Variants in CIMIP6 observed in about 807,000 individuals in gnomAD.
CIMIP6 encodes uncharacterized protein C2orf73.
At chr2:54,363,935 G>A in the CIMIP6 span, among the ~76,000 whole-genome samples, 10 of 152,328 alleles carry the variant, frequency 6.6e-5, 1 homozygote, top group East Asian at 1.9e-3. Context: ...GAGGAGAATG[G>A]TCTGGGGTCA....
At chr2:54,384,088 C>T in the CIMIP6 span, among the ~76,000 whole-genome samples, 58 of 152,296 alleles carry the variant, frequency 3.8e-4, 1 homozygote, top group African/African-American at 9.9e-4. Context: ...CAGCACAAAC[C>T]GGACTAAGAC....
the CIMIP6 span, chr2:54,383,610 T>C: frequency 6.6e-6 from 1 of 152,110 alleles, no homozygotes; most frequent in Non-Finnish European, 1.5e-5. Flanking sequence ...TGTAATATAC[T>C]CTCGTTTTTA....
the CIMIP6 span, among the ~76,000 whole-genome samples, chr2:54,372,069 T>C: frequency 3.9e-5 from 6 of 152,240 alleles, no homozygotes; most frequent in Non-Finnish European, 8.8e-5. Flanking sequence ...ATGTTTTAGC[T>C]AGCATTCTCA....
the CIMIP6 span, chr2:54,359,055 A>G: frequency 4.6e-6 from 7 of 1,528,154 alleles, no homozygotes; most frequent in Non-Finnish European, 5.3e-6. Flanking sequence ...AAAACTCCGA[A>G]TGAGCCTCTC....
the CIMIP6 span, among the ~76,000 whole-genome samples, chr2:54,339,367 T>C: frequency 1.3e-5 from 1 of 74,414 alleles, no homozygotes; most frequent in South Asian, 3.1e-4. Flanking sequence ...CATTGGTATA[T>C]AAAGGTTCTG....
At chr2:54,360,289 AG>A in the CIMIP6 span, 1 of 1,612,248 alleles carries the variant, frequency 6.2e-7, no homozygotes, top group Non-Finnish European at 8.5e-7. Context: ...TGAACACTCC[AG>A]GGTCACGTTC....
the CIMIP6 span, among the ~76,000 whole-genome samples, chr2:54,365,044 T>G: frequency 6.6e-6 from 1 of 152,104 alleles, no homozygotes; most frequent in Non-Finnish European, 1.5e-5. Context: ...GGAATGGGAA[T>G]GGAAGCCCCA....
At chr2:54,374,224 A>G in the CIMIP6 span, among the ~76,000 whole-genome samples, 2 of 151,922 alleles carry the variant, frequency 1.3e-5, no homozygotes, top group African/African-American at 4.8e-5. Flanking sequence ...GTCTTGCCCT[A>G]CTCTTTAATT....
chr2:54,382,734 T>A, the CIMIP6 span, among the ~76,000 whole-genome samples: 14 of 152,230 alleles, frequency 9.2e-5, no homozygotes, highest in African/African-American at 3.4e-4. Flanking sequence ...ACATTTCACA[T>A]TCACTTAATT....
chr2:54,363,237 T>G, the CIMIP6 span, among the ~76,000 whole-genome samples: 1 of 152,224 alleles, frequency 6.6e-6, no homozygotes, highest in African/African-American at 2.4e-5. Context: ...TTATTATCAG[T>G]TTCTGTTGAC....
At chr2:54,378,446 T>A in the CIMIP6 span, among the ~76,000 whole-genome samples, 11 of 152,232 alleles carry the variant, frequency 7.2e-5, no homozygotes, top group Middle Eastern at 3.2e-3. Context: ...AATTCTTCCC[T>A]AATTAATTGG....
the CIMIP6 span, among the ~76,000 whole-genome samples, chr2:54,349,073 C>A: frequency 6.6e-6 from 1 of 152,192 alleles, no homozygotes; most frequent in African/African-American, 2.4e-5. Flanking sequence ...TAAAACCTTG[C>A]TGATTATCAA....
chr2:54,369,742 C>T, the CIMIP6 span, among the ~76,000 whole-genome samples: 1 of 152,122 alleles, frequency 6.6e-6, no homozygotes, highest in African/African-American at 2.4e-5. Flanking sequence ...AAACCAATGC[C>T]ATGCTGACAT....
At chr2:54,330,938 C>T in the CIMIP6 span, 65 of 1,609,352 alleles carry the variant, frequency 4.0e-5, no homozygotes, top group Middle Eastern at 5.9e-4. Flanking sequence ...CCCTGTTCTT[C>T]CCAGGAGGCT....
At chr2:54,331,586 C>A in the CIMIP6 span, among the ~76,000 whole-genome samples, 2 of 152,102 alleles carry the variant, frequency 1.3e-5, no homozygotes, top group Non-Finnish European at 2.9e-5. Flanking sequence ...TCTGCTACAG[C>A]AAACAGGCCT....
At chr2:54,347,976 C>A in the CIMIP6 span, among the ~76,000 whole-genome samples, 2 of 152,124 alleles carry the variant, frequency 1.3e-5, no homozygotes, top group African/African-American at 2.4e-5. Context: ...AAAATCTTCA[C>A]TCTTATTTAG....
chr2:54,379,538 T>C, the CIMIP6 span, among the ~76,000 whole-genome samples: 2 of 152,042 alleles, frequency 1.3e-5, no homozygotes, highest in East Asian at 3.9e-4. Flanking sequence ...GAGAATCCCT[T>C]ATTTAGGAGG....
chr2:54,369,130 C>T, the CIMIP6 span, among the ~76,000 whole-genome samples: 26 of 152,102 alleles, frequency 1.7e-4, no homozygotes, highest in Non-Finnish European at 3.4e-4. Flanking sequence ...GACAATTTTC[C>T]TCTCATGACA....
At chr2:54,359,124 T>C in the CIMIP6 span, 1 of 1,076,608 alleles carries the variant, frequency 9.3e-7, no homozygotes, top group Non-Finnish European at 1.3e-6. Flanking sequence ...AGTAGATTTG[T>C]AGAACTTTAA....
Sources: gnomAD v4.1 joint callset for allele counts (sites outside exome capture counted in the v4.1 genomes callset) on GRCh38, gnomAD v4.1.1 for gene constraint, MANE v1.5 for transcripts, NCBI Gene and HGNC (gene_info 2026-07-23, HGNC 2026-07-21) for gene names.